The following CNTNAP2 variants were observed in gnomAD, a reference collection of about 807,000 sequenced individuals.
CNTNAP2 encodes contactin associated protein 2.
A neutral mutation model predicts 155.2 loss-of-function variants in CNTNAP2; 98 were observed. The ratio of observed to expected loss-of-function variants is 0.63; its 90% CI spans 0.54 to 0.75. The LOEUF is 0.75. Among genes scored for constraint, CNTNAP2 ranks in the 30% least tolerant of loss-of-function variants. The pLI, the probability that CNTNAP2 is intolerant of heterozygous loss-of-function variation, is 0.00. For missense variants in CNTNAP2, 1,727 were observed against 1,688.1 expected, an observed-to-expected ratio of 1.02 and a Z score of -0.40; for synonymous variants, 651 against 631.2, an observed-to-expected ratio of 1.03 and a Z score of -0.47.
At chr7:147,829,642 C>A (rs1281952173) in intron 13 of CNTNAP2, among the ~76,000 whole-genome samples, 1 of 152,142 alleles carries the variant, frequency 6.6e-6, no homozygotes, top group Non-Finnish European at 1.5e-5. Flanking sequence ...AGGATTGGAA[C>A]TTGTCTGGCT....
At chr7:147,234,501 C>G (rs189426021) in intron 8 of CNTNAP2, among the ~76,000 whole-genome samples, 1 of 152,020 alleles carries the variant, frequency 6.6e-6, no homozygotes, top group African/African-American at 2.4e-5. Context: ...CCATGCCCAG[C>G]TAATTGTTTT....
At chr7:147,024,939 C>A (rs1798875637) in intron 3 of CNTNAP2, among the ~76,000 whole-genome samples, 1 of 151,956 alleles carries the variant, frequency 6.6e-6, no homozygotes. Flanking sequence ...AATCACATCA[C>A]GTGAGAACTC....
At chr7:147,891,526 C>T (rs1799694878) in intron 13 of CNTNAP2, among the ~76,000 whole-genome samples, 1 of 151,846 alleles carries the variant, frequency 6.6e-6, no homozygotes. Flanking sequence ...TTTGAAGAGA[C>T]TAACAAAATC....
chr7:147,638,989 C>G, intron 12 of CNTNAP2, 117 bp from the exon 13 acceptor site: 10 of 1,045,894 alleles, frequency 9.6e-6, no homozygotes, highest in Non-Finnish European at 1.5e-5. Flanking sequence ...CTCCTTAACA[C>G]TGTTCTACAC....
intron 16 of CNTNAP2, among the ~76,000 whole-genome samples, chr7:148,128,548 G>C (rs540052728): frequency 7.0e-4 from 107 of 152,230 alleles, no homozygotes; most frequent in Non-Finnish European, 1.2e-3. Flanking sequence ...AATATTAAAA[G>C]ATATATAAAT....
chr7:147,419,258 G>A (rs893794263), intron 10 of CNTNAP2, among the ~76,000 whole-genome samples: 3 of 152,090 alleles, frequency 2.0e-5, no homozygotes, highest in African/African-American at 7.2e-5. Flanking sequence ...CCAGCCTGCA[G>A]GCAAGTTCCC....
At chr7:147,692,249 C>T (rs1256345817) in intron 13 of CNTNAP2, among the ~76,000 whole-genome samples, 4 of 152,008 alleles carry the variant, frequency 2.6e-5, no homozygotes, top group African/African-American at 7.2e-5. Context: ...TTTATTTATC[C>T]ACTTACCTAC....
At chr7:146,371,932 C>T (rs569967218) in intron 1 of CNTNAP2, among the ~76,000 whole-genome samples, 34 of 149,264 alleles carry the variant, frequency 2.3e-4, no homozygotes, top group Non-Finnish European at 4.3e-4. Context: ...GCACTCCAGC[C>T]TGGGCGACAG....
chr7:146,982,603 G>GT (rs1798038942), intron 3 of CNTNAP2, among the ~76,000 whole-genome samples: 2 of 152,176 alleles, frequency 1.3e-5, no homozygotes, highest in Non-Finnish European at 2.9e-5. Context: ...GCTGTTGTGT[G>GT]TCAGACCTCT....
chr7:146,977,662 T>G (rs147559007), intron 3 of CNTNAP2, among the ~76,000 whole-genome samples: 113 of 152,304 alleles, frequency 7.4e-4, no homozygotes, highest in African/African-American at 2.7e-3. Flanking sequence ...TAATATGCAT[T>G]GAAAAACTGG....
intron 17 of CNTNAP2, among the ~76,000 whole-genome samples, chr7:148,164,582 A>G (rs1805613271): frequency 7.0e-6 from 1 of 142,694 alleles, no homozygotes; most frequent in African/African-American, 2.6e-5. Flanking sequence ...AACGACACCC[A>G]TCCTAACTCT....
At chr7:147,036,442 A>G (rs894840695) in intron 3 of CNTNAP2, among the ~76,000 whole-genome samples, 5 of 152,224 alleles carry the variant, frequency 3.3e-5, no homozygotes, top group Non-Finnish European at 5.9e-5. Context: ...TATTTGTACA[A>G]TTTATAAGAC....
chr7:148,088,120 C>T (rs1326828769), intron 15 of CNTNAP2, among the ~76,000 whole-genome samples: 1 of 151,992 alleles, frequency 6.6e-6, no homozygotes, highest in Non-Finnish European at 1.5e-5. Context: ...TTTCCAGCAG[C>T]AAGTTGAATC....
At chr7:147,126,103 T>C (rs151193096) in intron 6 of CNTNAP2, among the ~76,000 whole-genome samples, 2 of 152,284 alleles carry the variant, frequency 1.3e-5, no homozygotes, top group East Asian at 3.9e-4. Flanking sequence ...TCCACTTAAA[T>C]ATCATGAGAC....
intron 1 of CNTNAP2, among the ~76,000 whole-genome samples, chr7:146,599,662 A>C (rs1798917098): frequency 6.6e-6 from 1 of 151,816 alleles, no homozygotes; most frequent in Non-Finnish European, 1.5e-5. Context: ...GCTTACCATC[A>C]GCTTTTTGGT....
chr7:147,583,526 ATATAT>A (rs1242382213), intron 12 of CNTNAP2, among the ~76,000 whole-genome samples: 4 of 147,236 alleles, frequency 2.7e-5, no homozygotes, highest in African/African-American at 9.9e-5. Context: ...ATATATATAT[ATATAT>A]AATGTCAAAC....
chr7:147,172,109 T>C (rs1197515422), intron 8 of CNTNAP2, among the ~76,000 whole-genome samples: 2 of 152,176 alleles, frequency 1.3e-5, no homozygotes, highest in East Asian at 3.9e-4. Context: ...TTCTTAATGA[T>C]GATATTCTCA....
At chr7:147,686,490 T>C (rs1398352635) in intron 13 of CNTNAP2, among the ~76,000 whole-genome samples, 1 of 152,022 alleles carries the variant, frequency 6.6e-6, no homozygotes, top group Non-Finnish European at 1.5e-5. Flanking sequence ...TAAATATATA[T>C]GTGGATTTTG....
Position 148,383,771 on chromosome 7 carries a change from T to A in CNTNAP2, c.3598T>A (p.Ser1200Thr), listed in dbSNP as rs758752276. 4.3e-6 allele frequency: 7 copies of A among 1,614,046 alleles called. No individual in the cohort carries two copies. Among genetic ancestry groups the A allele is most frequent in the Non-Finnish European group, 5.9e-6 (7 of 1,180,036 alleles). ...GGCCGCCTTGAGGCAGACAAACGCC[T>A]CGGCTCACGTCCACATCCAGGGCGA... ...LKAALRQTNA[S>T]AHVHIQGELV... The change falls in exon 22 of 24, where the codon TCG (serine) becomes ACG (threonine). Residue 1200 changes from serine (S) to threonine (T), a missense_variant. Ser to Thr is a moderately conservative substitution (Grantham distance 58). Coordinates refer to ENST00000361727, the MANE Select transcript of CNTNAP2 (RefSeq NM_014141.6).
Sources: allele counts gnomAD v4.1 joint callset (sites outside exome capture counted in the v4.1 genomes callset), GRCh38; gene constraint gnomAD v4.1.1; transcripts MANE v1.5; gene names NCBI Gene and HGNC (gene_info 2026-07-23, HGNC 2026-07-21).